The following PFKP variants were observed in gnomAD, a reference collection of about 807,000 sequenced individuals.
The protein encoded by PFKP is ATP-dependent 6-phosphofructokinase, platelet type.
A neutral mutation model predicts 94.3 loss-of-function variants in PFKP; 101 were observed. That is an observed-to-expected ratio of 1.07 (90% confidence interval 0.91 to 1.26). The LOEUF (loss-of-function observed/expected upper bound fraction) is 1.26, where lower values mean the gene tolerates loss of function less well. PFKP is among the 50% of genes most tolerant of loss of function. The probability of loss-of-function intolerance (pLI) is 0.00; values close to 1 mark genes in which losing one functional copy is unlikely to be tolerated. For synonymous variants in PFKP, 573 were observed against 432.6 expected, an observed-to-expected ratio of 1.32 and a Z score of -4.03; for missense variants, 1,145 against 1,103.3, an observed-to-expected ratio of 1.04 and a Z score of -0.53.
At chr10:3,135,389 A>G (rs536267517) in intron 20 of PFKP, among the ~76,000 whole-genome samples, 324 of 152,274 alleles carry the variant, frequency 2.1e-3, no homozygotes, top group African/African-American at 7.4e-3. Context: ...TTGCTAATTT[A>G]GCTATGGATG....
At chr10:3,134,629 C>A (rs1260905726) in intron 20 of PFKP, 47 bp downstream of exon 20, 1 of 1,239,552 alleles carries the variant, frequency 8.1e-7, no homozygotes, top group African/African-American at 1.5e-5. Flanking sequence ...TGCAGGCCGT[C>A]CTGCCTTGGT....
At chr10:3,116,881 T>C in intron 14 of PFKP, 35 bp downstream of exon 14, 1 of 1,478,980 alleles carries the variant, frequency 6.8e-7, no homozygotes, top group Non-Finnish European at 9.5e-7. Context: ...GACCTGCTTT[T>C]AAGGAAGAAG....
rs754599997 is a variant in PFKP, at chr10:3,136,470, A to G, written c.2246A>G (p.Gln749Arg). Residue 749 changes from glutamine (Q) to arginine (R), a missense_variant, in exon 22 of 22, where the codon CAG (glutamine) becomes CGG (arginine). Physicochemically the swap from Gln to Arg is conservative, Grantham distance 43. Coordinates refer to ENST00000381125, the MANE Select transcript of PFKP (RefSeq NM_002627.5). ...CACAGGCACAGGATTCCCAAAGAAC[A>G]GTGGTGGCTCAAGCTACGGCCCCTC... ...TDFEHRIPKE[Q>R]WWLKLRPLMK... 6.2e-7 allele frequency: 1 copy of G among 1,613,526 alleles called. No homozygotes were observed.
chr10:3,086,632 C>T (rs547942257), intron 2 of PFKP, among the ~76,000 whole-genome samples: 5 of 152,184 alleles, frequency 3.3e-5, no homozygotes, highest in Admixed American at 2.6e-4. Context: ...AGAAACAAGG[C>T]CGAGGGACCC....
rs1839415657 is a variant in PFKP at position 3,136,696 on chromosome 10, T to C, written c.*117T>C. The C allele has an allele frequency of 1.9e-6, 2 of 1,070,862 alleles. No homozygotes were observed. Among genetic ancestry groups the C allele is most frequent in the Non-Finnish European group, 2.7e-6 (2 of 739,194 alleles). The allele number at this position is 1,070,862 out of a possible 1,614,324, so 66.3% of individuals were successfully genotyped here. On this transcript the variant is annotated 3_prime_UTR_variant, in exon 22 of 22. Transcript: ENST00000381125. ...TTGACATTAATACCTAATCGGCGAGTGCCCATCTGCCCCACCTGCTCCAGT... is the reference window on the plus strand; with the variant it reads ...TTGACATTAATACCTAATCGGCGAGCGCCCATCTGCCCCACCTGCTCCAGT...
intron 2 of PFKP, among the ~76,000 whole-genome samples, chr10:3,092,915 C>T (rs1834159776): frequency 6.6e-6 from 1 of 151,408 alleles, no homozygotes; most frequent in Non-Finnish European, 1.5e-5. Flanking sequence ...GCCTGAGCTG[C>T]TGGGATGTGT....
At chr10:3,101,310 C>A in intron 3 of PFKP, 55 bp from the exon 4 acceptor site, 1 of 1,425,430 alleles carries the variant, frequency 7.0e-7, no homozygotes, top group Non-Finnish European at 9.6e-7. Flanking sequence ...TGTGTGCCAT[C>A]CACCTGGCGC....
chr10:3,134,608 C>G (rs1007012861), intron 20 of PFKP, 26 bp downstream of exon 20: 2 of 1,452,892 alleles, frequency 1.4e-6, no homozygotes, highest in Non-Finnish European at 1.9e-6. Context: ...AGGGAGGCCA[C>G]AGCCTCGTGA....
intron 4 of PFKP, among the ~76,000 whole-genome samples, chr10:3,101,875 A>C (rs1374217728): frequency 2.0e-5 from 3 of 152,176 alleles, no homozygotes; most frequent in Non-Finnish European, 4.4e-5. Flanking sequence ...CCGTGGGGCG[A>C]GCCGGGTCCC....
chr10:3,113,482 C>T lies in PFKP; in HGVS notation c.1335C>T (p.Ala445=), dbSNP rs754613846. 9 of 1,613,360 alleles carry T rather than the reference C, an allele frequency of 5.6e-6. No individual in the cohort carries two copies. In the Admixed American group the frequency reaches 1.2e-4, roughly 21 times the overall value. Residue 445 remains alanine (A), a synonymous_variant, in exon 13 of 22, where the codon GCC becomes GCT. Coordinates refer to ENST00000381125, the MANE Select transcript of PFKP (RefSeq NM_002627.5). ...TTGCCGACGGCCACAGGATGCTCGC[C>T]ATCTATGATGGCTTTGACGGCTTCG... The part of the protein sequence containing the change: ...VGIADGHRML[A]IYDGFDGFAK...
chr10:3,076,382 G>A (rs549253058), intron 1 of PFKP, among the ~76,000 whole-genome samples: 110 of 152,126 alleles, frequency 7.2e-4, no homozygotes, highest in African/African-American at 2.4e-3. Context: ...CTGCCGCCGC[G>A]CCCCCGCCCC....
chr10:3,077,044 C>G (rs1230645285), intron 1 of PFKP, among the ~76,000 whole-genome samples: 1 of 151,936 alleles, frequency 6.6e-6, no homozygotes, highest in African/African-American at 2.4e-5. Flanking sequence ...AACAAAGCAG[C>G]GGGAGGAGTC....
At chr10:3,074,268 C>T (rs938957709) in intron 1 of PFKP, among the ~76,000 whole-genome samples, 31 of 152,296 alleles carry the variant, frequency 2.0e-4, no homozygotes, top group African/African-American at 6.7e-4. Flanking sequence ...GGTGCGGGTA[C>T]GACGTGCCTG....
chr10:3,118,734 C>T (rs766243283), intron 14 of PFKP, 48 bp from the exon 15 acceptor site: 3 of 1,394,562 alleles, frequency 2.2e-6, no homozygotes, highest in African/African-American at 2.8e-5. Flanking sequence ...CTGCGGACCG[C>T]GTGGAGTTTG....
At position 3,135,837 on chromosome 10, in the gene PFKP, G is replaced by T. The variant is rs1839208256; in HGVS notation, c.2224G>T (p.Glu742Ter). The T allele has an allele frequency of 2.5e-6, 4 of 1,602,032 alleles. No individual in the cohort carries two copies. Among genetic ancestry groups the T allele is most frequent in the Non-Finnish European group, 3.4e-6 (4 of 1,169,256 alleles). The change falls in exon 21 of 22, where the codon GAG becomes TAG. Residue 742 changes from glutamate to a stop codon, truncating the protein, a stop_gained and splice_region_variant. Coordinates refer to ENST00000381125, the MANE Select transcript of PFKP (RefSeq NM_002627.5). LOFTEE classifies it low-confidence loss of function (END_TRUNC). ...AGAGCTGAAGAAGCAAACGGATTTT[G>T]AGTAAGTTGGCTGGGTTCCCTGAGG... ...VAELKKQTDF[E>*]HRIPKEQWWL...
At chr10:3,131,130 T>A (rs1481962945) in intron 17 of PFKP, among the ~76,000 whole-genome samples, 1 of 151,920 alleles carries the variant, frequency 6.6e-6, no homozygotes, top group Non-Finnish European at 1.5e-5. Flanking sequence ...TAAAAAGATG[T>A]TTTTTATCAA....
chr10:3,131,795 C>T (rs1838619256), intron 17 of PFKP, among the ~76,000 whole-genome samples: 1 of 152,170 alleles, frequency 6.6e-6, no homozygotes, highest in African/African-American at 2.4e-5. Flanking sequence ...CGCCCAGTGA[C>T]AGATTTGATT....
chr10:3,106,520 CTG>C lies in PFKP; in HGVS notation c.775-693_775-692del, dbSNP rs1316164083. Among the ~76,000 whole-genome samples the C allele has an allele frequency of 4.0e-4, 61 of 151,420 alleles. 2 individuals carry two copies. In the East Asian group the frequency reaches 0.01, roughly 26 times the overall value. ...GGCTGACTGGGGGCCACATTTCTAT[CTG>C]CGGTGGTGATGTGAGCTCCCAGTCC... On this transcript the variant is annotated intron_variant, in intron 7 of 21. Coordinates refer to ENST00000381125, the MANE Select transcript of PFKP (RefSeq NM_002627.5).
chr10:3,108,004 G>A (rs1835805347), intron 8 of PFKP: 5 of 1,289,688 alleles, frequency 3.9e-6, no homozygotes, highest in Non-Finnish European at 5.1e-6. Context: ...CTTTGTTATG[G>A]TCAGTTAAGG....
Sources: allele counts gnomAD v4.1 joint callset (sites outside exome capture counted in the v4.1 genomes callset), GRCh38; gene constraint gnomAD v4.1.1; transcripts MANE v1.5; gene names NCBI Gene and HGNC (gene_info 2026-07-23, HGNC 2026-07-21).